PDZRN4: variants seen among roughly 807,000 people sequenced by gnomAD.
PDZRN4 encodes the protein PDZ domain containing ring finger 4, also known as PDZ domain-containing RING finger protein 4.
Under a neutral mutation model 99.0 loss-of-function variants are expected in PDZRN4, and 70 were observed. That is an observed-to-expected ratio of 0.71 (90% CI 0.58 to 0.86). The LOEUF (loss-of-function observed/expected upper bound fraction) is 0.86. PDZRN4 is among the 40% of genes least tolerant of loss of function. The pLI is 0.00. For synonymous variants in PDZRN4, 551 were observed against 501.6 expected, an observed-to-expected ratio of 1.10 and a Z score of -1.32; for missense variants, 1,474 against 1,331.2, an observed-to-expected ratio of 1.11 and a Z score of -1.67.
Position 41,203,959 on chromosome 12 carries a change from T to C in PDZRN4, c.843+9771T>C, listed in dbSNP as rs559588895. On this transcript the variant is annotated intron_variant, in intron 3 of 9. Transcript: ENST00000402685. ...CCAAAGTAAATTTCACTGGGGTATA[T>C]ACCTAACTTGAAAAGTGAAAGAACT... is the stretch of plus-strand genomic sequence containing the variant. 4.6e-5 allele frequency among the ~76,000 whole-genome samples: 7 copies of C among 152,150 alleles called. No individual in the cohort carries two copies. In the East Asian group the frequency reaches 1.4e-3, roughly 30 times the overall value.
intron 3 of PDZRN4, among the ~76,000 whole-genome samples, chr12:41,436,315 A>G (rs1386843003): frequency 6.6e-6 from 1 of 152,220 alleles, no homozygotes; most frequent in East Asian, 1.9e-4. Context: ...ATGATTGTTC[A>G]TCTCCTTGCT....
At chr12:41,308,140 G>T (rs980605619) in intron 3 of PDZRN4, among the ~76,000 whole-genome samples, 5 of 151,838 alleles carry the variant, frequency 3.3e-5, no homozygotes, top group Admixed American at 2.6e-4. Flanking sequence ...TAACTTTTCT[G>T]TATTATTTTT....
At chr12:41,281,397 G>A (rs143740947) in intron 3 of PDZRN4, among the ~76,000 whole-genome samples, 1,737 of 152,204 alleles carry the variant, frequency 0.011, 36 homozygotes, top group Middle Eastern at 0.024. Context: ...GGCTTCAGAA[G>A]GTGGGTAATA....
chr12:41,260,083 G>T (rs1838097398), intron 3 of PDZRN4, among the ~76,000 whole-genome samples: 1 of 152,100 alleles, frequency 6.6e-6, no homozygotes, highest in South Asian at 2.1e-4. Flanking sequence ...ATAATCTAAT[G>T]CATTTTCTAT....
At chr12:41,514,033 TACAA>T (rs1938353697) in intron 5 of PDZRN4, among the ~76,000 whole-genome samples, 1 of 152,158 alleles carries the variant, frequency 6.6e-6, no homozygotes, top group East Asian at 1.9e-4. Flanking sequence ...AAGAAACATA[TACAA>T]AAGGCTGAAA....
At chr12:41,432,478 A>G (rs1025548759) in intron 3 of PDZRN4, among the ~76,000 whole-genome samples, 1 of 152,196 alleles carries the variant, frequency 6.6e-6, no homozygotes, top group East Asian at 1.9e-4. Context: ...TGCCCAACTC[A>G]GGCATGCTGT....
intron 3 of PDZRN4, among the ~76,000 whole-genome samples, chr12:41,442,064 A>G (rs773799250): frequency 6.6e-6 from 1 of 152,162 alleles, no homozygotes; most frequent in Non-Finnish European, 1.5e-5. Context: ...GCTCCCAATT[A>G]CTATAAAATG....
intron 7 of PDZRN4, among the ~76,000 whole-genome samples, chr12:41,558,401 C>A (rs1265066058): frequency 6.6e-6 from 1 of 152,216 alleles, no homozygotes; most frequent in Non-Finnish European, 1.5e-5. Flanking sequence ...CTCTTGCCAT[C>A]TACTTCATAT....
At chr12:41,240,688 T>C (rs1354831682) in intron 3 of PDZRN4, among the ~76,000 whole-genome samples, 2 of 152,156 alleles carry the variant, frequency 1.3e-5, no homozygotes, top group Non-Finnish European at 2.9e-5. Flanking sequence ...AGATGCGGTG[T>C]CTGGTGGGGA....
At chr12:41,444,132 T>G (rs1952703670) in intron 3 of PDZRN4, among the ~76,000 whole-genome samples, 1 of 152,014 alleles carries the variant, frequency 6.6e-6, no homozygotes, top group South Asian at 2.1e-4. Context: ...AAGAACCGAG[T>G]ATCTTTGGAT....
At chr12:41,475,948 A>G (rs1435420058) in intron 3 of PDZRN4, among the ~76,000 whole-genome samples, 1 of 152,118 alleles carries the variant, frequency 6.6e-6, no homozygotes, top group Non-Finnish European at 1.5e-5. Flanking sequence ...CATGTAAAGA[A>G]TTTCAGCTCC....
intron 3 of PDZRN4, among the ~76,000 whole-genome samples, chr12:41,481,991 G>C (rs1321064146): frequency 6.6e-6 from 1 of 151,848 alleles, no homozygotes; most frequent in African/African-American, 2.4e-5. Context: ...AATGCTTTTT[G>C]GCAACAACTA....
At chr12:41,445,168 CA>C (rs1952714271) in intron 3 of PDZRN4, among the ~76,000 whole-genome samples, 1 of 151,962 alleles carries the variant, frequency 6.6e-6, no homozygotes, top group African/African-American at 2.4e-5. Flanking sequence ...AAATTATACA[CA>C]AGGGAGGCAC....
chr12:41,395,208 A>G (rs1004569139), intron 3 of PDZRN4, among the ~76,000 whole-genome samples: 2 of 151,462 alleles, frequency 1.3e-5, no homozygotes, highest in African/African-American at 2.4e-5. Flanking sequence ...CATCCTCTTG[A>G]GTATAGCCCC....
At chr12:41,350,187 C>T (rs1951880580) in intron 3 of PDZRN4, among the ~76,000 whole-genome samples, 1 of 152,004 alleles carries the variant, frequency 6.6e-6, no homozygotes, top group Non-Finnish European at 1.5e-5. Flanking sequence ...ACAAATAAGA[C>T]ATATCCCCTG....
chr12:41,489,874 G>A (rs1937850610), intron 3 of PDZRN4, among the ~76,000 whole-genome samples: 1 of 152,078 alleles, frequency 6.6e-6, no homozygotes, highest in South Asian at 2.1e-4. Flanking sequence ...ATTAGAGCTT[G>A]AGAATCAATA....
At chr12:41,502,904 G>T (rs1200497699) in intron 3 of PDZRN4, among the ~76,000 whole-genome samples, 1 of 151,962 alleles carries the variant, frequency 6.6e-6, no homozygotes, top group African/African-American at 2.4e-5. Flanking sequence ...TGAAAAAAAA[G>T]GAAGTTTTGC....
At chr12:41,249,934 G>A (rs1477513411) in intron 3 of PDZRN4, among the ~76,000 whole-genome samples, 1 of 152,176 alleles carries the variant, frequency 6.6e-6, no homozygotes, top group Non-Finnish European at 1.5e-5. Context: ...GAAGTTTTAT[G>A]GGAAATCAAT....
intron 3 of PDZRN4, among the ~76,000 whole-genome samples, chr12:41,497,458 G>A (rs1034449997): frequency 1.3e-5 from 2 of 152,038 alleles, no homozygotes; most frequent in Non-Finnish European, 2.9e-5. Context: ...CAGTGAATAG[G>A]TTTATTAATA....
Sources: gnomAD v4.1 joint callset for allele counts (sites outside exome capture counted in the v4.1 genomes callset) on GRCh38, gnomAD v4.1.1 for gene constraint, MANE v1.5 for transcripts, NCBI Gene and HGNC (gene_info 2026-07-23, HGNC 2026-07-21) for gene names.